The following ST6GALNAC3 variants were observed in gnomAD, a reference collection of about 807,000 sequenced individuals.
ST6GALNAC3 encodes the protein alpha-N-acetylgalactosaminide alpha-2,6-sialyltransferase 3.
A neutral mutation model predicts 32.7 loss-of-function variants in ST6GALNAC3; 25 were observed. The observed-to-expected ratio is 0.76, with a 90% CI of 0.56 to 1.07. The LOEUF (loss-of-function observed/expected upper bound fraction) is 1.07, where lower values mean the gene tolerates loss of function less well. Ranked by LOEUF, ST6GALNAC3 falls within the 50% of genes least tolerant of loss-of-function variation. The pLI is 0.00. For synonymous variants in ST6GALNAC3, 129 were observed against 133.1 expected (o/e 0.97, Z 0.21); for missense variants, 355 against 382.4 (o/e 0.93, Z 0.60).
At chr1:76,189,270 G>A (rs1170080676) in intron 1 of ST6GALNAC3, among the ~76,000 whole-genome samples, 2 of 152,148 alleles carry the variant, frequency 1.3e-5, no homozygotes, top group African/African-American at 4.8e-5. Context: ...TTAGATTATT[G>A]TCTTACATAA....
intron 1 of ST6GALNAC3, among the ~76,000 whole-genome samples, chr1:76,239,705 A>G (rs956810618): frequency 7.9e-5 from 12 of 152,208 alleles, no homozygotes; most frequent in Non-Finnish European, 1.5e-4. Flanking sequence ...TCTACCTCCA[A>G]CATCAGGGAT....
intron 2 of ST6GALNAC3, among the ~76,000 whole-genome samples, chr1:76,322,173 T>A (rs1411173182): frequency 2.0e-5 from 3 of 152,150 alleles, no homozygotes; most frequent in Non-Finnish European, 4.4e-5. Flanking sequence ...ATACCTTGAT[T>A]TGAGGGTTGA....
intron 2 of ST6GALNAC3, among the ~76,000 whole-genome samples, chr1:76,319,666 T>G (rs1213876206): frequency 6.6e-6 from 1 of 152,196 alleles, no homozygotes; most frequent in Non-Finnish European, 1.5e-5. Context: ...CCCAAAAGTT[T>G]AAAACTGATC....
chr1:76,446,587 T>C (rs993721554), intron 3 of ST6GALNAC3, among the ~76,000 whole-genome samples: 1 of 152,228 alleles, frequency 6.6e-6, no homozygotes, highest in African/African-American at 2.4e-5. Flanking sequence ...GAGTCTGATA[T>C]GGTTTGACTG....
At chr1:76,306,914 AATAATCATGGCT>A (rs1401773038) in intron 1 of ST6GALNAC3, among the ~76,000 whole-genome samples, 8 of 152,246 alleles carry the variant, frequency 5.3e-5, no homozygotes, top group African/African-American at 1.9e-4. Flanking sequence ...ATAACATAAA[AATAATCATGGCT>A]ATATTCACTG....
intron 1 of ST6GALNAC3, among the ~76,000 whole-genome samples, chr1:76,153,459 C>T (rs1651182807): frequency 6.6e-6 from 1 of 152,164 alleles, no homozygotes; most frequent in African/African-American, 2.4e-5. Flanking sequence ...CTGTCCCCAA[C>T]TCAGGACCTC....
intron 2 of ST6GALNAC3, among the ~76,000 whole-genome samples, chr1:76,394,072 G>C (rs1326751536): frequency 6.6e-6 from 1 of 152,132 alleles, no homozygotes; most frequent in Non-Finnish European, 1.5e-5. Context: ...TAGCAGTGTT[G>C]AATTTTACCT....
intron 2 of ST6GALNAC3, among the ~76,000 whole-genome samples, chr1:76,317,611 CT>C (rs1646889628): frequency 6.6e-6 from 1 of 152,104 alleles, no homozygotes; most frequent in Non-Finnish European, 1.5e-5. Context: ...CATATGGTTT[CT>C]GGAAATTACT....
chr1:76,139,665 C>A (rs994035567), intron 1 of ST6GALNAC3, among the ~76,000 whole-genome samples: 9 of 152,188 alleles, frequency 5.9e-5, no homozygotes, highest in African/African-American at 2.2e-4. Flanking sequence ...CGAAGAAGTT[C>A]TTGCCTAGTG....
intron 1 of ST6GALNAC3, among the ~76,000 whole-genome samples, chr1:76,235,103 G>A (rs1656574959): frequency 6.6e-6 from 1 of 152,122 alleles, no homozygotes; most frequent in Non-Finnish European, 1.5e-5. Context: ...GATGGCCTCT[G>A]GTTTCCAAAG....
chr1:76,560,209 C>A (rs1381023741), intron 3 of ST6GALNAC3, among the ~76,000 whole-genome samples: 3 of 152,096 alleles, frequency 2.0e-5, no homozygotes, highest in Non-Finnish European at 4.4e-5. Context: ...AGACTTAAGT[C>A]TGAGACCTCA....
intron 3 of ST6GALNAC3, among the ~76,000 whole-genome samples, chr1:76,613,049 G>A (rs959153600): frequency 1.3e-4 from 20 of 152,188 alleles, no homozygotes; most frequent in African/African-American, 4.1e-4. Flanking sequence ...GGATGGCCTT[G>A]CCTGTGTCTG....
At chr1:76,476,867 G>A (rs2101642128) in intron 3 of ST6GALNAC3, among the ~76,000 whole-genome samples, 1 of 152,288 alleles carries the variant, frequency 6.6e-6, no homozygotes, top group South Asian at 2.1e-4. Context: ...TCATGAGCAG[G>A]TCTTCTACAG....
At chr1:76,129,807 G>A (rs574487629) in intron 1 of ST6GALNAC3, among the ~76,000 whole-genome samples, 118 of 152,298 alleles carry the variant, frequency 7.7e-4, no homozygotes, top group African/African-American at 2.8e-3. Flanking sequence ...GTAGGTGTCA[G>A]CTGCTGTGAG....
chr1:76,547,687 T>C (rs1664379269), intron 3 of ST6GALNAC3, among the ~76,000 whole-genome samples: 1 of 152,048 alleles, frequency 6.6e-6, no homozygotes, highest in African/African-American at 2.4e-5. Flanking sequence ...ACCCCATCTC[T>C]ACTAAAAATA....
intron 2 of ST6GALNAC3, among the ~76,000 whole-genome samples, chr1:76,319,707 C>T (rs1235874050): frequency 2.0e-5 from 3 of 152,106 alleles, no homozygotes; most frequent in African/African-American, 7.2e-5. Flanking sequence ...TCCGAACATT[C>T]CCATTTATGT....
At chr1:76,193,136 A>G (rs1297570187) in intron 1 of ST6GALNAC3, among the ~76,000 whole-genome samples, 1 of 152,172 alleles carries the variant, frequency 6.6e-6, no homozygotes, top group Non-Finnish European at 1.5e-5. Flanking sequence ...TAATAATAAA[A>G]GTAGATTCTT....
chr1:76,273,846 T>C (rs1374637325), intron 1 of ST6GALNAC3, among the ~76,000 whole-genome samples: 1 of 152,182 alleles, frequency 6.6e-6, no homozygotes, highest in Non-Finnish European at 1.5e-5. Context: ...TATGGAATGA[T>C]GTATCTGGAA....
chr1:76,309,962 T>C, intron 1 of ST6GALNAC3: 1 of 494,566 alleles, frequency 2.0e-6, no homozygotes. Context: ...GGTTGACTTA[T>C]TTTTCTCTCA....
Sources: allele counts gnomAD v4.1 joint callset (sites outside exome capture counted in the v4.1 genomes callset), GRCh38; gene constraint gnomAD v4.1.1; transcripts MANE v1.5; gene names NCBI Gene and HGNC (gene_info 2026-07-23, HGNC 2026-07-21).